KLF12: variants seen among roughly 807,000 people sequenced by gnomAD.
KLF12 encodes KLF transcription factor 12.
In KLF12, 9 loss-of-function variants were observed where a neutral mutation model predicts 37.8. The ratio of observed to expected loss-of-function variants is 0.24; its 90% CI spans 0.14 to 0.42. The LOEUF is 0.42. Ranked by LOEUF, KLF12 falls within the 10% of genes least tolerant of loss-of-function variation. The pLI is 1.00. For missense variants in KLF12, 411 were observed against 516.0 expected (o/e 0.80, Z 1.97); for synonymous variants, 208 against 202.1 (o/e 1.03, Z -0.25).
chr13:74,115,219 T>C (rs1877220933), intron 1 of KLF12, among the ~76,000 whole-genome samples: 1 of 152,232 alleles, frequency 6.6e-6, no homozygotes, highest in Non-Finnish European at 1.5e-5. Flanking sequence ...TCAAAGATTT[T>C]TGAATTCCTG....
chr13:73,696,393 C>T (rs565263556), intron 7 of KLF12, among the ~76,000 whole-genome samples: 6 of 152,048 alleles, frequency 3.9e-5, no homozygotes, highest in Admixed American at 2.0e-4. Flanking sequence ...GTAATTTGAC[C>T]GGGTCTCTCA....
chr13:73,894,943 T>C (rs1436965738), intron 3 of KLF12, among the ~76,000 whole-genome samples: 1 of 152,242 alleles, frequency 6.6e-6, no homozygotes, highest in Non-Finnish European at 1.5e-5. Flanking sequence ...GGATTTCCTT[T>C]TGATTCCTTC....
At chr13:74,210,631 A>T in the KLF12 span, among the ~76,000 whole-genome samples, 1 of 152,208 alleles carries the variant, frequency 6.6e-6, no homozygotes, top group Admixed American at 6.5e-5. Flanking sequence ...TGATCCAGCC[A>T]GTTACTGAGC....
Position 73,837,097 on chromosome 13 carries a change from G to T in KLF12, c.670+8730C>A, listed in dbSNP as rs1403213304. Among the ~76,000 whole-genome samples the T allele has an allele frequency of 2.0e-5, 3 of 152,194 alleles. No homozygotes were observed. In the East Asian group the frequency reaches 5.8e-4, roughly 29 times the overall value. ...TTAAGTAACATCTACCTTTTAAAATGATCCGTCCTGGGTATCCATACCTTC... is the reference window on the plus strand; with the variant it reads ...TTAAGTAACATCTACCTTTTAAAATTATCCGTCCTGGGTATCCATACCTTC... On this transcript the variant is annotated intron_variant, in intron 4 of 7. Coordinates refer to ENST00000377669, the MANE Select transcript of KLF12 (RefSeq NM_007249.5).
At chr13:73,947,413 G>C (rs1890475406) in intron 2 of KLF12, among the ~76,000 whole-genome samples, 2 of 152,120 alleles carry the variant, frequency 1.3e-5, no homozygotes, top group African/African-American at 4.8e-5. Context: ...CACTTTGGGA[G>C]GCTGAGGTGG....
chr13:73,995,129 A>T (rs553732050), intron 1 of KLF12, 76 bp from the exon 2 acceptor site: 12 of 882,348 alleles, frequency 1.4e-5, no homozygotes, highest in Non-Finnish European at 2.2e-5. Flanking sequence ...GGGGAAAAAA[A>T]TACATCTTAA....
chr13:73,967,563 G>A (rs1175830712), intron 2 of KLF12, among the ~76,000 whole-genome samples: 1 of 152,086 alleles, frequency 6.6e-6, no homozygotes, highest in East Asian at 1.9e-4. Flanking sequence ...AACCCTTAAG[G>A]TGTATTATTC....
chr13:74,292,269 C>T, the KLF12 span, among the ~76,000 whole-genome samples: 1 of 152,164 alleles, frequency 6.6e-6, no homozygotes, highest in African/African-American at 2.4e-5. Flanking sequence ...CAAATCCCAA[C>T]TCCAACCATT....
chr13:73,896,844 T>C (rs1345653871), intron 3 of KLF12, among the ~76,000 whole-genome samples: 1 of 152,176 alleles, frequency 6.6e-6, no homozygotes, highest in Non-Finnish European at 1.5e-5. Flanking sequence ...CTTGGTTCTC[T>C]CCAAGAAAAT....
At chr13:74,099,917 A>G (rs1347979675) in intron 1 of KLF12, among the ~76,000 whole-genome samples, 1 of 152,232 alleles carries the variant, frequency 6.6e-6, no homozygotes, top group Non-Finnish European at 1.5e-5. Flanking sequence ...AAGTTTTTCA[A>G]ATTGAACCAT....
At chr13:73,791,084 T>C (rs377717170) in intron 5 of KLF12, among the ~76,000 whole-genome samples, 9 of 152,230 alleles carry the variant, frequency 5.9e-5, no homozygotes, top group African/African-American at 2.2e-4. Context: ...ATTTTTATTA[T>C]TTCCCAGATC....
At chr13:74,171,892 AT>A in the KLF12 span, among the ~76,000 whole-genome samples, 1 of 152,194 alleles carries the variant, frequency 6.6e-6, no homozygotes, top group Non-Finnish European at 1.5e-5. Flanking sequence ...CTGAGGGAGA[AT>A]TCTCAATTCC....
chr13:74,052,326 G>A (rs924127647), intron 1 of KLF12, among the ~76,000 whole-genome samples: 6 of 152,156 alleles, frequency 3.9e-5, no homozygotes, highest in South Asian at 2.1e-4. Context: ...GAATTGTCAC[G>A]CTGCCTGGGT....
At chr13:73,851,091 G>A (rs9543476) in intron 3 of KLF12, among the ~76,000 whole-genome samples, 1 of 152,000 alleles carries the variant, frequency 6.6e-6, no homozygotes, top group Admixed American at 6.6e-5. Context: ...CTCATACAAC[G>A]GTTGTGAAGA....
intron 4 of KLF12, among the ~76,000 whole-genome samples, chr13:73,830,346 A>G (rs551798588): frequency 6.6e-6 from 1 of 152,342 alleles, no homozygotes; most frequent in South Asian, 2.1e-4. Context: ...TAAACTTAAT[A>G]AATAATAGAG....
intron 1 of KLF12, among the ~76,000 whole-genome samples, chr13:74,059,239 G>A (rs1287635407): frequency 1.3e-5 from 2 of 152,162 alleles, no homozygotes; most frequent in African/African-American, 2.4e-5. Context: ...ATAGTGCTGC[G>A]ATAAACACAC....
chr13:73,762,387 T>C (rs1309307166), intron 6 of KLF12, among the ~76,000 whole-genome samples: 1 of 152,184 alleles, frequency 6.6e-6, no homozygotes, highest in Non-Finnish European at 1.5e-5. Flanking sequence ...GTTTAAACCA[T>C]CTTAACTCAA....
the KLF12 span, among the ~76,000 whole-genome samples, chr13:74,252,337 C>T: frequency 6.6e-6 from 1 of 152,182 alleles, no homozygotes; most frequent in African/African-American, 2.4e-5. Context: ...CAGGGCCTGC[C>T]ACAGAAATGT....
intron 1 of KLF12, among the ~76,000 whole-genome samples, chr13:74,041,084 A>G (rs372068532): frequency 1.6e-4 from 24 of 152,216 alleles, no homozygotes; most frequent in African/African-American, 5.5e-4. Context: ...CCCCACAAAG[A>G]TATCTTAGCT....
Sources: allele counts gnomAD v4.1 joint callset (sites outside exome capture counted in the v4.1 genomes callset), GRCh38; gene constraint gnomAD v4.1.1; transcripts MANE v1.5; gene names NCBI Gene and HGNC (gene_info 2026-07-23, HGNC 2026-07-21).